VPS13D: variants seen among roughly 807,000 people sequenced by gnomAD.
The protein encoded by VPS13D is vacuolar protein sorting 13 homolog D.
Under a neutral mutation model 461.9 loss-of-function variants are expected in VPS13D, and 187 were observed. The ratio of observed to expected loss-of-function variants is 0.40; its 90% CI spans 0.36 to 0.46. The LOEUF (loss-of-function observed/expected upper bound fraction) is 0.46. Among genes scored for constraint, VPS13D ranks in the 20% least tolerant of loss-of-function variants. The pLI is 0.60. For missense variants in VPS13D, 4,711 were observed against 5,364.9 expected, an observed-to-expected ratio of 0.88 and a Z score of 3.81; for synonymous variants, 1,951 against 1,986.3, an observed-to-expected ratio of 0.98 and a Z score of 0.47.
intron 46 of VPS13D, among the ~76,000 whole-genome samples, chr1:12,349,888 C>T (rs1456583747): frequency 2.0e-5 from 3 of 152,232 alleles, no homozygotes; most frequent in Middle Eastern, 6.8e-3. Flanking sequence ...GGAAATAATA[C>T]TGGATTGCTA....
chr1:12,302,633 G>A (rs2101467370), intron 25 of VPS13D, among the ~76,000 whole-genome samples: 1 of 152,124 alleles, frequency 6.6e-6, no homozygotes, highest in African/African-American at 2.4e-5. Flanking sequence ...TGCTTTTTTT[G>A]CAACCTGACT....
Position 12,406,274 on chromosome 1 carries a change from A to G in VPS13D, c.12030+2301A>G, listed in dbSNP as rs561134966. Among the ~76,000 whole-genome samples, 3 of 151,734 alleles carry G rather than the reference A, an allele frequency of 2.0e-5. No homozygotes were observed. The East Asian group carries it at 5.8e-4, about 29-fold the overall frequency. ...ACTCATAAAATAATGTCATTTATTCAAAGAGTTTTCTAACAGAGTAATATG... is the reference window on the plus strand; with the variant it reads ...ACTCATAAAATAATGTCATTTATTCGAAGAGTTTTCTAACAGAGTAATATG... On this transcript the variant is annotated intron_variant, in intron 63 of 69. Coordinates refer to ENST00000620676, the MANE Select transcript of VPS13D (RefSeq NM_015378.4).
At chr1:12,363,321 G>T in intron 52 of VPS13D, 74 bp downstream of exon 52, 1 of 1,475,584 alleles carries the variant, frequency 6.8e-7, no homozygotes. Context: ...AACAAGCCTT[G>T]TGTAAAATGG....
At chr1:12,325,114 C>T (rs528565789) in intron 35 of VPS13D, among the ~76,000 whole-genome samples, 4 of 152,174 alleles carry the variant, frequency 2.6e-5, no homozygotes, top group Admixed American at 1.3e-4. Flanking sequence ...GACAGGGTGT[C>T]ACTCTGTTGC....
At chr1:12,253,437 C>T (rs1049949614) in intron 6 of VPS13D, among the ~76,000 whole-genome samples, 21 of 152,144 alleles carry the variant, frequency 1.4e-4, no homozygotes, top group Non-Finnish European at 8.8e-5. Context: ...ATATATCTTT[C>T]GACACTCATT....
chr1:12,268,055 G>A, intron 15 of VPS13D, 135 bp downstream of exon 15: 2 of 626,376 alleles, frequency 3.2e-6, no homozygotes, highest in East Asian at 3.2e-5. Flanking sequence ...TCTGCCTCCC[G>A]GGTTCGAGTG....
intron 20 of VPS13D, among the ~76,000 whole-genome samples, chr1:12,282,139 C>T (rs752172794): frequency 8.5e-5 from 13 of 152,306 alleles, no homozygotes; most frequent in African/African-American, 2.2e-4. Context: ...CTGCCTGCCT[C>T]GGCCTCTCAA....
intron 27 of VPS13D, among the ~76,000 whole-genome samples, chr1:12,310,100 AC>A (rs200518383): frequency 0.021 from 3,137 of 151,974 alleles, 47 homozygotes; most frequent in African/African-American, 0.036. Context: ...TTTCCAAAAA[AC>A]AAAAAAAAAG....
rs776980241 is a variant in VPS13D at position 12,282,863 on chromosome 1, A to T, written c.4761A>T (p.Glu1587Asp). The change falls in exon 21 of 70, where the codon GAA (glutamate) becomes GAT (aspartate). Residue 1587 changes from glutamate to aspartate, a missense_variant. Glu to Asp is a conservative substitution (Grantham distance 45). Transcript: ENST00000620676. Reference sequence around the variant, plus strand: ...GTACCTGTGGAGAATCTTCTGTTGAAAGGAAGGAGAATGGATTGTTCAGCC... The same window carrying T: ...GTACCTGTGGAGAATCTTCTGTTGATAGGAAGGAGAATGGATTGTTCAGCC... ...PLSTCGESSV[E>D]RKENGLFSHS... The T allele has an allele frequency of 1.9e-6, 3 of 1,614,096 alleles. No individual in the cohort carries two copies. The African/African-American group carries it at 4.0e-5, about 22-fold the overall frequency.
Position 12,327,643 on chromosome 1 carries a change from T to C in VPS13D, c.7991-5T>C. On this transcript the variant is annotated splice_polypyrimidine_tract_variant and splice_region_variant and intron_variant, in intron 35 of 69. Transcript: ENST00000620676. The stretch of plus-strand genomic sequence containing the variant: ...AGAACTGATCACTTCTTAATTTCTT[T>C]GAAGGCCAATTGAAAAAGGCAGCAA... 6.2e-7 allele frequency: 1 copy of C among 1,613,966 alleles called. No individual in the cohort carries two copies.
At chr1:12,406,114 G>GGT (rs1220681894) in intron 63 of VPS13D, among the ~76,000 whole-genome samples, 1 of 152,162 alleles carries the variant, frequency 6.6e-6, no homozygotes, top group Non-Finnish European at 1.5e-5. Context: ...CATGTGATGA[G>GGT]GTGTGTAGGG....
Position 12,358,589 on chromosome 1 carries a change from A to T in VPS13D, c.10129A>T (p.Ile3377Phe). The change falls in exon 50 of 70, where the codon ATC (isoleucine) becomes TTC (phenylalanine). Residue 3377 changes from isoleucine (I) to phenylalanine (F), a missense_variant. Physicochemically the swap from Ile to Phe is conservative, Grantham distance 21. Transcript: ENST00000620676. The part of the protein sequence containing the change: ...VIQQGNRPGL[I>F]YNIGIDVKKG... ...CCAGCAAGGAAACCGCCCAGGGCTG[A>T]TCTATAACATTGGTGGGTTACATTT... 6.2e-7 allele frequency: 1 copy of T among 1,614,048 alleles called. No homozygotes were observed. The highest frequency in any genetic ancestry group is 8.5e-7 in the Non-Finnish European group (1 of 1,179,962).
chr1:12,451,048 A>G (rs1416925181), intron 65 of VPS13D, among the ~76,000 whole-genome samples: 2 of 152,226 alleles, frequency 1.3e-5, no homozygotes, highest in East Asian at 1.9e-4. Context: ...ACACTGGCCA[A>G]ATGCCTTTGG....
chr1:12,363,149 T>C lies in VPS13D; in HGVS notation c.10350T>C (p.Tyr3450=). 6.2e-7 allele frequency: 1 copy of C among 1,614,236 alleles called. No homozygotes were observed. The highest frequency in any genetic ancestry group is 8.5e-7 in the Non-Finnish European group (1 of 1,180,026). Residue 3450 remains tyrosine, a synonymous_variant, in exon 52 of 70, where the codon TAT becomes TAC. Transcript: ENST00000620676. The stretch of plus-strand genomic sequence containing the variant: ...TGTTCCACTGGCCTCGGAATGACTA[T>C]GATCAGCTATTGTGTGTCAGACTGA... ...SVVFHWPRND[Y]DQLLCVRLMD...
At chr1:12,324,464 C>T (rs992656088) in intron 35 of VPS13D, among the ~76,000 whole-genome samples, 1 of 152,044 alleles carries the variant, frequency 6.6e-6, no homozygotes, top group Admixed American at 6.5e-5. Flanking sequence ...AGATCATGCC[C>T]CTGCACTACA....
At chr1:12,411,430 C>G (rs1570119139) in intron 63 of VPS13D, among the ~76,000 whole-genome samples, 1 of 150,634 alleles carries the variant, frequency 6.6e-6, no homozygotes, top group East Asian at 2.0e-4. Flanking sequence ...CCCAGGAGTT[C>G]AGGGCCAGCC....
At chr1:12,289,489 G>C (rs1448405393) in intron 22 of VPS13D, among the ~76,000 whole-genome samples, 2 of 151,856 alleles carry the variant, frequency 1.3e-5, no homozygotes, top group African/African-American at 4.8e-5. Context: ...ATGTCTTTTG[G>C]GGAAGGAATG....
chr1:12,471,512 A>G (rs376662562), intron 67 of VPS13D, among the ~76,000 whole-genome samples: 11 of 152,210 alleles, frequency 7.2e-5, no homozygotes, highest in African/African-American at 2.6e-4. Context: ...ATCACTTTCA[A>G]CACTTTGGGC....
At chr1:12,298,762 C>G (rs577778987) in intron 24 of VPS13D, among the ~76,000 whole-genome samples, 1 of 151,376 alleles carries the variant, frequency 6.6e-6, no homozygotes. Context: ...TTATTTTCTT[C>G]CTTCTACTTC....
Sources: gnomAD v4.1 joint callset for allele counts (sites outside exome capture counted in the v4.1 genomes callset) on GRCh38, gnomAD v4.1.1 for gene constraint, MANE v1.5 for transcripts, NCBI Gene and HGNC (gene_info 2026-07-23, HGNC 2026-07-21) for gene names.